NIPBL: variants seen among roughly 807,000 people sequenced by gnomAD.
The protein encoded by NIPBL is nipped-B-like protein.
NIPBL carries 19 observed loss-of-function variants against 321.8 expected under a neutral mutation model. The observed-to-expected ratio is 0.06, with a 90% CI of 0.04 to 0.09. The LOEUF (loss-of-function observed/expected upper bound fraction) is 0.09. Ranked by LOEUF, NIPBL falls within the 10% of genes least tolerant of loss-of-function variation. The probability of loss-of-function intolerance (pLI) is 1.00; values close to 1 mark genes in which losing one functional copy is unlikely to be tolerated. For synonymous variants in NIPBL, 1,106 were observed against 1,114.1 expected, an observed-to-expected ratio of 0.99 and a Z score of 0.14; for missense variants, 2,210 against 3,327.0, an observed-to-expected ratio of 0.66 and a Z score of 8.26.
chr5:36,883,262 C>T (rs959817192), intron 1 of NIPBL, among the ~76,000 whole-genome samples: 16 of 151,908 alleles, frequency 1.1e-4, no homozygotes, highest in African/African-American at 3.9e-4. Context: ...TATCTCTTAA[C>T]ATGCATATAC....
Position 36,901,963 on chromosome 5 carries a change from A to G in NIPBL, c.-80+24785A>G, listed in dbSNP as rs187612001. Among the ~76,000 whole-genome samples the G allele has an allele frequency of 1.4e-3, 210 of 152,200 alleles. 1 individual carries two copies. Among genetic ancestry groups the G allele is most frequent in the East Asian group, 0.012 (61 of 5,168 alleles). On this transcript the variant is annotated intron_variant, in intron 1 of 46. Coordinates refer to ENST00000282516, the MANE Select transcript of NIPBL (RefSeq NM_133433.4). ...GAATAGCCATTCTGACTGGTGTGCAATGGTGTCTCATTGTGGTTTTGATTT... is the reference window on the plus strand; with the variant it reads ...GAATAGCCATTCTGACTGGTGTGCAGTGGTGTCTCATTGTGGTTTTGATTT...
intron 1 of NIPBL, among the ~76,000 whole-genome samples, chr5:36,939,284 A>C (rs1160592321): frequency 6.6e-6 from 1 of 152,194 alleles, no homozygotes; most frequent in Non-Finnish European, 1.5e-5. Context: ...TACAGGCTTG[A>C]GCCACTGCGT....
chr5:37,039,722 G>A (rs1371242757), intron 34 of NIPBL, among the ~76,000 whole-genome samples: 1 of 152,098 alleles, frequency 6.6e-6, no homozygotes, highest in African/African-American at 2.4e-5. Context: ...TTTTGCTGCT[G>A]TGGTCAGTTT....
At chr5:37,034,294 C>T (rs572093962) in intron 32 of NIPBL, among the ~76,000 whole-genome samples, 65 of 152,180 alleles carry the variant, frequency 4.3e-4, no homozygotes, top group Non-Finnish European at 6.8e-4. Context: ...GTATTACAGC[C>T]ACTTGAAAAA....
chr5:36,886,111 C>G, intron 1 of NIPBL: 1 of 669,926 alleles, frequency 1.5e-6, no homozygotes, highest in Admixed American at 1.9e-5. Context: ...GACATACGGT[C>G]CAGTCCTTGG....
intron 40 of NIPBL, among the ~76,000 whole-genome samples, chr5:37,050,239 C>T (rs571737366): frequency 1.3e-5 from 2 of 151,726 alleles, no homozygotes; most frequent in African/African-American, 4.8e-5. Context: ...CAGAGGTGGG[C>T]GGATCACTTG....
At chr5:37,048,350 T>C in intron 38 of NIPBL, 152 bp from the exon 39 acceptor site, 1 of 360,372 alleles carries the variant, frequency 2.8e-6, no homozygotes, top group Non-Finnish European at 4.9e-6. Context: ...CTAATGCTTC[T>C]CTAGGTAAGG....
chr5:37,041,251 G>GTTT (rs1561200046), intron 34 of NIPBL, among the ~76,000 whole-genome samples: 6 of 93,684 alleles, frequency 6.4e-5, no homozygotes, highest in African/African-American at 1.4e-4. Context: ...GTTATGTGGT[G>GTTT]GTTTTTTTTT....
intron 14 of NIPBL, 120 bp from the exon 15 acceptor site, chr5:37,002,542 C>A: frequency 1.4e-6 from 1 of 705,594 alleles, no homozygotes; most frequent in Non-Finnish European, 2.6e-6. Context: ...TATATAGAGG[C>A]GTCTTAGGTT....
intron 18 of NIPBL, 150 bp from the exon 19 acceptor site, chr5:37,007,858 G>A (rs1268642686): frequency 2.0e-5 from 13 of 658,896 alleles, no homozygotes; most frequent in Non-Finnish European, 3.6e-5. Context: ...GGGAAACAGA[G>A]AAAAGAATAG....
intron 32 of NIPBL, among the ~76,000 whole-genome samples, chr5:37,030,156 A>G (rs1750799063): frequency 6.6e-6 from 1 of 152,162 alleles, no homozygotes; most frequent in African/African-American, 2.4e-5. Context: ...CCAGATTTAT[A>G]CTCTCTTAAC....
intron 1 of NIPBL, among the ~76,000 whole-genome samples, chr5:36,949,420 C>G (rs780171574): frequency 3.3e-5 from 5 of 151,786 alleles, no homozygotes; most frequent in African/African-American, 4.8e-5. Flanking sequence ...TGGCCTTAGG[C>G]AAATTATTTA....
chr5:36,985,693 C>G lies in NIPBL; in HGVS notation c.2513C>G (p.Ser838Cys). Residue 838 changes from serine (S) to cysteine (C), a missense_variant, in exon 10 of 47, where the codon TCT (serine) becomes TGT (cysteine). Transcript: ENST00000282516. ...GESERHRGDQ[S>C]RVRRPETLRS... ...TCAGAGCGACATCGAGGGGATCAGT[C>G]TAGGGTTCGAAGACCAGAAACATTG... The G allele has an allele frequency of 6.2e-7, 1 of 1,613,836 alleles. No homozygotes were observed. The highest frequency in any genetic ancestry group is 1.1e-5 in the South Asian group (1 of 91,058).
At chr5:36,885,430 A>T in intron 1 of NIPBL, 1 of 457,848 alleles carries the variant, frequency 2.2e-6, no homozygotes, top group Non-Finnish European at 4.2e-6. Context: ...CAGGAATGGG[A>T]GGCATCCAGA....
chr5:37,024,463 T>C, intron 29 of NIPBL, 122 bp from the exon 30 acceptor site: 3 of 744,822 alleles, frequency 4.0e-6, no homozygotes, highest in Admixed American at 5.6e-5. Flanking sequence ...AAAGCAAATA[T>C]GTCAAGTGTG....
chr5:36,987,762 A>G (rs954581799), intron 10 of NIPBL, among the ~76,000 whole-genome samples: 5 of 152,184 alleles, frequency 3.3e-5, no homozygotes, highest in African/African-American at 1.2e-4. Context: ...AGACTTACCA[A>G]AAGTCAGTTA....
At chr5:37,015,524 G>C (rs1158335169) in intron 22 of NIPBL, among the ~76,000 whole-genome samples, 1 of 152,058 alleles carries the variant, frequency 6.6e-6, no homozygotes, top group Admixed American at 6.5e-5. Flanking sequence ...TACAAGGTCA[G>C]TTCGAGACCA....
chr5:37,010,473 G>A (rs891154129), intron 21 of NIPBL, among the ~76,000 whole-genome samples: 6 of 151,946 alleles, frequency 3.9e-5, no homozygotes, highest in Non-Finnish European at 8.8e-5. Context: ...GCACCACCAC[G>A]CCCGGCTAAT....
At chr5:37,010,682 A>C (rs1473441970) in intron 21 of NIPBL, among the ~76,000 whole-genome samples, 2 of 152,120 alleles carry the variant, frequency 1.3e-5, no homozygotes, top group South Asian at 2.1e-4. Context: ...GTGTTGGAAG[A>C]GTTGAGTTCT....
Sources: gnomAD v4.1 joint callset for allele counts (sites outside exome capture counted in the v4.1 genomes callset) on GRCh38, gnomAD v4.1.1 for gene constraint, MANE v1.5 for transcripts, NCBI Gene and HGNC (gene_info 2026-07-23, HGNC 2026-07-21) for gene names.